Variants in MDN1 observed in about 807,000 individuals in gnomAD.
MDN1 encodes midasin AAA ATPase 1.
In MDN1, 266 loss-of-function variants were observed where a neutral mutation model predicts 669.2. That is an observed-to-expected ratio of 0.40 (90% CI 0.36 to 0.44). The LOEUF (loss-of-function observed/expected upper bound fraction) is 0.44. Among genes scored for constraint, MDN1 ranks in the 20% least tolerant of loss-of-function variants. The pLI, the probability that MDN1 is intolerant of heterozygous loss-of-function variation, is 1.00. For synonymous variants in MDN1, 2,385 were observed against 2,457.1 expected, an observed-to-expected ratio of 0.97 and a Z score of 0.87; for missense variants, 5,940 against 6,754.0, an observed-to-expected ratio of 0.88 and a Z score of 4.22.
chr6:89,644,997 C>T lies in MDN1; in HGVS notation c.16602+18G>A, dbSNP rs527454639. 49 of 1,574,774 alleles carry T rather than the reference C, an allele frequency of 3.1e-5. 1 individual carries two copies. The South Asian group carries it at 5.4e-4, about 17-fold the overall frequency. On this transcript the variant is annotated intron_variant, in intron 101 of 101. Coordinates refer to ENST00000369393, the MANE Select transcript of MDN1 (RefSeq NM_014611.3). ...CCCACTTTACCTCCAGAAAAGGTGG[C>T]TTTTAGTAGTCACTCACCCGTGAAC... is the stretch of plus-strand genomic sequence containing the variant.
At chr6:89,712,872 G>A (rs1319152406) in intron 47 of MDN1, 86 bp from the exon 48 acceptor site, 3 of 1,228,682 alleles carry the variant, frequency 2.4e-6, no homozygotes, top group Admixed American at 4.0e-5. Context: ...TAGTCCATGC[G>A]ACCACCTCAC....
intron 31 of MDN1, among the ~76,000 whole-genome samples, chr6:89,742,736 T>G (rs1816357610): frequency 6.6e-6 from 1 of 152,230 alleles, no homozygotes; most frequent in South Asian, 2.1e-4. Flanking sequence ...CTGACTACAG[T>G]TCTTTCAAAA....
At chr6:89,670,190 T>G (rs1281210340) in intron 83 of MDN1, among the ~76,000 whole-genome samples, 1 of 124,096 alleles carries the variant, frequency 8.1e-6, no homozygotes, top group Non-Finnish European at 1.6e-5. Context: ...TTTTTTTTTT[T>G]GAGATGCAGT....
rs1243126779 is a variant in MDN1, at chr6:89,696,356, A to G, written c.9383+4T>C. The G allele has an allele frequency of 6.2e-7, 1 of 1,613,488 alleles. No homozygotes were observed. Among genetic ancestry groups the G allele is most frequent in the African/African-American group, 1.3e-5 (1 of 74,910 alleles). On this transcript the variant is annotated splice_donor_region_variant and intron_variant, in intron 60 of 101. Coordinates refer to ENST00000369393, the MANE Select transcript of MDN1 (RefSeq NM_014611.3). ...TACAGTCTGCTTCCAGGGCGAGGGA[A>G]TACCTGAATTCTGCTACTGAAGAGA...
At chr6:89,783,656 C>T (rs1318092947) in intron 9 of MDN1, among the ~76,000 whole-genome samples, 2 of 152,182 alleles carry the variant, frequency 1.3e-5, no homozygotes, top group Admixed American at 6.6e-5. Flanking sequence ...CACCCCCTCC[C>T]CTTTTGAAAC....
At chr6:89,782,186 GTAACCAAAATA>G (rs771684643) in intron 9 of MDN1, among the ~76,000 whole-genome samples, 1 of 152,014 alleles carries the variant, frequency 6.6e-6, no homozygotes, top group Non-Finnish European at 1.5e-5. Context: ...GGTTCTCCAA[GTAACCAAAATA>G]TAAGCAACCA....
chr6:89,688,905 C>T (rs1812199845), intron 65 of MDN1, 97 bp from the exon 66 acceptor site: 1 of 988,452 alleles, frequency 1.0e-6, no homozygotes, highest in Non-Finnish European at 1.5e-6. Flanking sequence ...TGCAGTGGCT[C>T]ATGTCTGTAA....
chr6:89,773,276 A>G (rs538185242), intron 13 of MDN1, among the ~76,000 whole-genome samples: 1 of 152,196 alleles, frequency 6.6e-6, no homozygotes, highest in East Asian at 1.9e-4. Flanking sequence ...GCATGGTGGC[A>G]CAAGCCTGTA....
At chr6:89,701,250 C>T (rs755520514) in intron 55 of MDN1, among the ~76,000 whole-genome samples, 2 of 152,194 alleles carry the variant, frequency 1.3e-5, no homozygotes, top group African/African-American at 2.4e-5. Context: ...CTAAGCAATA[C>T]AGTATAATCA....
At chr6:89,808,538 C>T (rs1437561681) in intron 1 of MDN1, among the ~76,000 whole-genome samples, 1 of 152,112 alleles carries the variant, frequency 6.6e-6, no homozygotes, top group Admixed American at 6.6e-5. Flanking sequence ...CTTTGCATAG[C>T]TCACGAAATT....
chr6:89,770,166 G>A (rs1478057927), intron 15 of MDN1, among the ~76,000 whole-genome samples: 1 of 152,034 alleles, frequency 6.6e-6, no homozygotes, highest in Non-Finnish European at 1.5e-5. Context: ...AGCAATTTGG[G>A]AGGCCGAGGT....
At chr6:89,649,951 C>G in intron 97 of MDN1, 73 bp downstream of exon 97, 1 of 1,484,612 alleles carries the variant, frequency 6.7e-7, no homozygotes. Context: ...ATATTTAAAG[C>G]ATTTTGGTGG....
chr6:89,687,610 CAT>C (rs1812104574), intron 67 of MDN1, among the ~76,000 whole-genome samples, 172 bp from the exon 68 acceptor site: 1 of 152,188 alleles, frequency 6.6e-6, no homozygotes, highest in South Asian at 2.1e-4. Context: ...TTTCTGTTCA[CAT>C]GACAGAACTC....
chr6:89,653,176 A>C (rs1271721533), intron 93 of MDN1, 21 bp from the exon 94 acceptor site: 2 of 1,598,152 alleles, frequency 1.3e-6, no homozygotes, highest in Non-Finnish European at 1.7e-6. Context: ...TTAAGGACAT[A>C]ATTTTACTTA....
At chr6:89,801,891 G>C (rs1207030230) in intron 2 of MDN1, among the ~76,000 whole-genome samples, 1 of 151,886 alleles carries the variant, frequency 6.6e-6, no homozygotes, top group Non-Finnish European at 1.5e-5. Context: ...GAACCCAGGA[G>C]AAAGAGGTTG....
intron 43 of MDN1, 65 bp downstream of exon 43, chr6:89,718,301 T>C: frequency 6.9e-7 from 1 of 1,445,018 alleles, no homozygotes; most frequent in Admixed American, 1.9e-5. Flanking sequence ...GTAAATCTAT[T>C]ACGTGTAAAT....
At chr6:89,707,531 A>G (rs1813596391) in intron 51 of MDN1, 55 bp from the exon 52 acceptor site, 4 of 1,104,564 alleles carry the variant, frequency 3.6e-6, no homozygotes, top group Non-Finnish European at 2.8e-6. Flanking sequence ...AACATTTTCA[A>G]TCATATCCTC....
Position 89,727,843 on chromosome 6 carries a change from A to G in MDN1, c.5462T>C (p.Val1821Ala). 1 of 1,613,812 alleles carries G rather than the reference A, an allele frequency of 6.2e-7. No individual in the cohort carries two copies. The highest frequency in any genetic ancestry group is 8.5e-7 in the Non-Finnish European group (1 of 1,179,880). ...LAALKAGHWV[V>A]LDELNLASQS... ...AAACAGGCCCCTCACCTCATCCAAC[A>G]CCACCCAATGGCCTGCCTTCAAAGC... Residue 1821 changes from valine (V) to alanine (A), a missense_variant, in exon 37 of 102, where the codon GTG (valine) becomes GCG (alanine). Transcript: ENST00000369393.
At chr6:89,710,425 T>C (rs1813812014) in intron 50 of MDN1, among the ~76,000 whole-genome samples, 1 of 151,896 alleles carries the variant, frequency 6.6e-6, no homozygotes, top group Non-Finnish European at 1.5e-5. Flanking sequence ...TCCCAACAGT[T>C]TGGGAGACCA....
Sources: allele counts gnomAD v4.1 joint callset (sites outside exome capture counted in the v4.1 genomes callset), GRCh38; gene constraint gnomAD v4.1.1; transcripts MANE v1.5; gene names NCBI Gene and HGNC (gene_info 2026-07-23, HGNC 2026-07-21).